Variants in MAP1S observed in about 807,000 individuals in gnomAD.
The protein encoded by MAP1S is microtubule associated protein 1S, also known as microtubule-associated protein 1S.
A neutral mutation model predicts 60.9 loss-of-function variants in MAP1S; 27 were observed. That is an observed-to-expected ratio of 0.44 (90% CI 0.33 to 0.61). The LOEUF (loss-of-function observed/expected upper bound fraction) is 0.61. Among genes scored for constraint, MAP1S ranks in the 20% least tolerant of loss-of-function variants. The pLI is 0.03. For missense variants in MAP1S, 1,608 were observed against 1,486.6 expected, an observed-to-expected ratio of 1.08 and a Z score of -1.34; for synonymous variants, 826 against 694.2, an observed-to-expected ratio of 1.19 and a Z score of -2.98.
chr19:17,725,167 TC>T lies in MAP1S; in HGVS notation c.424del (p.Gln142ArgfsTer3), dbSNP rs1349352973. The T allele has an allele frequency of 6.2e-7, 1 of 1,613,552 alleles. No individual in the cohort carries two copies. Among genetic ancestry groups the T allele is most frequent in the African/African-American group, 1.3e-5 (1 of 74,902 alleles). On this transcript the variant is annotated frameshift_variant, in exon 4 of 7. Transcript: ENST00000324096. LOFTEE classifies it high-confidence loss of function. This position sits in a 1 kb window ranked among gnomAD's most constrained non-coding sequence, Gnocchi z 4.2. ...QTGGFSPHHFLQVLKDREIRD... is the reference protein window; with the variant it reads ...QTGGFSPHHFXQVLKDREIRD... ...GGGGGCTTCTCGCCTCACCACTTCC[TC>T]CAGGTCCTGAAGGACAGAGAGGTAA... is the stretch of plus-strand genomic sequence containing the variant.
Position 17,726,745 on chromosome 19 carries a change from T to C in MAP1S, c.1361T>C (p.Leu454Pro). ...GTCCGCCTGCAGCACTTGAGGTTCC[T>C]GCGAGAGCCCGTGGTGACGCCCCAG... ...GLVRLQHLRF[L>P]REPVVTPQDL... is the part of the protein sequence containing the mutation. The change falls in exon 5 of 7, where the codon CTG becomes CCG. Residue 454 changes from leucine to proline, a missense_variant. By Grantham distance (98) the Leu-to-Pro change is moderately conservative. This residue lies in a region of MAP1S where 1,167 missense variants were observed against 961.4 expected (regional missense o/e 1.21). Transcript: ENST00000324096. 1 of 1,578,956 alleles carries C rather than the reference T, an allele frequency of 6.3e-7. No homozygotes were observed. The highest frequency in any genetic ancestry group is 8.6e-7 in the Non-Finnish European group (1 of 1,166,064).
chr19:17,724,125 G>C lies in MAP1S; in HGVS notation c.221-1G>C. 6.2e-7 allele frequency: 1 copy of C among 1,613,560 alleles called. No homozygotes were observed. The highest frequency in any genetic ancestry group is 8.5e-7 in the Non-Finnish European group (1 of 1,179,768). ...TCCGGGACGGCCTGATTCCCCCACA[G>C]GCCAGCGGAGCCTGCACCACCGTGG... On this transcript the variant is annotated splice_acceptor_variant, in intron 2 of 6. Coordinates refer to ENST00000324096, the MANE Select transcript of MAP1S (RefSeq NM_018174.6). LOFTEE classifies it high-confidence loss of function.
In MAP1S at chr19:17,734,293, C is replaced by G. The variant is rs138941668; in HGVS notation, c.3045C>G (p.Phe1015Leu). Residue 1015 changes from phenylalanine (F) to leucine (L), a missense_variant, in exon 7 of 7, where the codon TTC becomes TTG. Transcript: ENST00000324096. ...TGCAGGTGACCCTGATCCCCACTTTCGACTCGGTGGCCATGCATACGTGGT... is the reference window on the plus strand; with the variant it reads ...TGCAGGTGACCCTGATCCCCACTTTGGACTCGGTGGCCATGCATACGTGGT... ...RDLQVTLIPT[F>L]DSVAMHTWYA... is the part of the protein sequence containing the mutation. 1 of 1,613,462 alleles carries G rather than the reference C, an allele frequency of 6.2e-7. No individual in the cohort carries two copies. Among genetic ancestry groups the G allele is most frequent in the Non-Finnish European group, 8.5e-7 (1 of 1,179,556 alleles).
Position 17,727,708 on chromosome 19 carries a change from G to T in MAP1S, c.2324G>T (p.Gly775Val). The T allele has an allele frequency of 4.4e-6, 7 of 1,608,296 alleles. No homozygotes were observed. The South Asian group carries it at 5.5e-5, about 13-fold the overall frequency. The change falls in exon 5 of 7, where the codon GGT becomes GTT. Residue 775 changes from glycine (G) to valine (V), a missense_variant. This residue lies in a region of MAP1S where 1,167 missense variants were observed against 961.4 expected (regional missense o/e 1.21). Transcript: ENST00000324096. The surrounding 1 kb of genome is among the most constrained non-coding windows in gnomAD (Gnocchi z 4.1). ...AGTGCCCGGTCACAGGAACGGGCAG[G>T]TGGGCTGGGGGCCGAGGAGACGCCA... is the stretch of plus-strand genomic sequence containing the variant. The part of the protein sequence containing the change: ...DSSARSQERA[G>V]GLGAEETPPT...
rs181494116 is a variant in MAP1S at position 17,726,080 on chromosome 19, C to T, written c.696C>T (p.Ser232=). The change falls in exon 5 of 7, where the codon TCC becomes TCT. Residue 232 remains serine, a synonymous_variant. Coordinates refer to ENST00000324096, the MANE Select transcript of MAP1S (RefSeq NM_018174.6). The stretch of plus-strand genomic sequence containing the variant: ...TCGAGCTGCTGGAGCCCCCGACCTC[C>T]GGGGGCTTCCTCAGGCTGGGCCGGC... ...SPFELLEPPT[S]GGFLRLGRPC... The T allele has an allele frequency of 1.1e-5, 17 of 1,613,790 alleles. No individual in the cohort carries two copies. The highest frequency in any genetic ancestry group is 6.7e-5 in the African/African-American group (5 of 75,056).
intron 5 of MAP1S, among the ~76,000 whole-genome samples, chr19:17,731,361 G>A (rs542945434): frequency 1.3e-5 from 2 of 152,304 alleles, no homozygotes; most frequent in African/African-American, 4.8e-5. Flanking sequence ...TTGTTGAAAA[G>A]ACTATCCTTT....
At chr19:17,721,115 G>C in intron 2 of MAP1S, 78 bp downstream of exon 2, 1 of 1,100,390 alleles carries the variant, frequency 9.1e-7, no homozygotes, top group South Asian at 1.2e-5. Context: ...GGCATGGGGG[G>C]TGGGATGCAG....
chr19:17,725,331 C>T lies in MAP1S; in HGVS notation c.444+142C>T, dbSNP rs545065453. 1 of 1,022,822 alleles carries T rather than the reference C, an allele frequency of 9.8e-7. No homozygotes were observed. Among genetic ancestry groups the T allele is most frequent in the African/African-American group, 1.6e-5 (1 of 61,648 alleles). The allele number at this position is 1,022,822 out of a possible 1,614,324, so 63.4% of individuals were successfully genotyped here. The stretch of plus-strand genomic sequence containing the variant: ...GTAGGATGGCAGTGGTGACACATGC[C>T]TCCTGGCTGTCTGGGGTCAGTCCCA... On this transcript the variant is annotated intron_variant, in intron 4 of 6. Transcript: ENST00000324096. This position sits in a 1 kb window ranked among gnomAD's most constrained non-coding sequence, Gnocchi z 4.2.
chr19:17,723,530 A>G (rs2080389370), intron 2 of MAP1S, among the ~76,000 whole-genome samples: 1 of 146,526 alleles, frequency 6.8e-6, no homozygotes, highest in African/African-American at 2.6e-5. Context: ...CCTGGGCAAC[A>G]AGAGCAAAAC....
In MAP1S at chr19:17,719,502, G is replaced by A. The variant is rs992497777; in HGVS notation, c.-1G>A. On this transcript the variant is annotated 5_prime_UTR_variant, in exon 1 of 7. Coordinates refer to ENST00000324096, the MANE Select transcript of MAP1S (RefSeq NM_018174.6). ...GCCGAGAACGCCGGGGCGGCCCGAAGATGGCGGCGGTGGCTGGATCTGGGG... is the reference window on the plus strand; with the variant it reads ...GCCGAGAACGCCGGGGCGGCCCGAAAATGGCGGCGGTGGCTGGATCTGGGG... 2.0e-5 allele frequency: 25 copies of A among 1,244,520 alleles called. No homozygotes were observed. The highest frequency in any genetic ancestry group is 2.4e-5 in the Non-Finnish European group (24 of 987,062). 77.1% of individuals were successfully genotyped at this position (1,244,520 alleles called of 1,614,324 possible).
Position 17,728,321 on chromosome 19 carries a change from C to T in MAP1S, c.2788+149C>T, listed in dbSNP as rs746866525. The T allele has an allele frequency of 8.8e-6, 8 of 907,566 alleles. No individual in the cohort carries two copies. In the East Asian group the frequency reaches 1.1e-4, roughly 12 times the overall value. The allele number at this position is 907,566 out of a possible 1,614,324, so 56.2% of individuals were successfully genotyped here. On this transcript the variant is annotated intron_variant, in intron 5 of 6. Transcript: ENST00000324096. ...CTGGAGTGCAGTGGTGTGGTCACAG[C>T]TCATTGCAGCCTTGAACAATGGGGC...
intron 5 of MAP1S, among the ~76,000 whole-genome samples, chr19:17,732,141 C>T (rs1599467616): frequency 6.6e-6 from 1 of 152,226 alleles, no homozygotes; most frequent in Admixed American, 6.5e-5. Context: ...GATGTTAGTT[C>T]TCTAAATGTT....
rs1412520580 is a variant in MAP1S, at chr19:17,734,277, C to A, written c.3029C>A (p.Thr1010Asn). 1 of 1,612,228 alleles carries A rather than the reference C, an allele frequency of 6.2e-7. No individual in the cohort carries two copies. Among genetic ancestry groups the A allele is most frequent in the Non-Finnish European group, 8.5e-7 (1 of 1,178,868 alleles). Residue 1010 changes from threonine (T) to asparagine (N), a missense_variant, in exon 7 of 7, where the codon ACC (threonine) becomes AAC (asparagine). Transcript: ENST00000324096. ...ACACCCCCCCTCCACCTGCAGGTGA[C>A]CCTGATCCCCACTTTCGACTCGGTG... ...KQHWDRDLQV[T>N]LIPTFDSVAM...
At chr19:17,723,801 G>A (rs2080392357) in intron 2 of MAP1S, among the ~76,000 whole-genome samples, 1 of 152,176 alleles carries the variant, frequency 6.6e-6, no homozygotes, top group South Asian at 2.1e-4. Flanking sequence ...CTTGCAGTGA[G>A]CAGAGATTGC....
In MAP1S at chr19:17,725,045, T is replaced by G. The variant is rs1388244198; in HGVS notation, c.304-4T>G. ...GGTCCTTTAGTGTTCACCCCCTCCC[T>G]CAGCTCCGGAACCTTCTGTTGGACC... On this transcript the variant is annotated splice_polypyrimidine_tract_variant and splice_region_variant and intron_variant, in intron 3 of 6. Transcript: ENST00000324096. This position sits in a 1 kb window ranked among gnomAD's most constrained non-coding sequence, Gnocchi z 4.2. 1 of 1,613,998 alleles carries G rather than the reference T, an allele frequency of 6.2e-7. No individual in the cohort carries two copies. Among genetic ancestry groups the G allele is most frequent in the African/African-American group, 1.3e-5 (1 of 74,894 alleles).
At position 17,727,402 on chromosome 19, in the gene MAP1S, C is replaced by T. The variant is rs1308450595; in HGVS notation, c.2018C>T (p.Thr673Ile). ...GGGCCAGACGCCTCACCCACAGTGA[C>T]CACACCCACGGTGACCACGCCCTCA... ...EAGPDASPTV[T>I]TPTVTTPSLP... Residue 673 changes from threonine (T) to isoleucine (I), a missense_variant, in exon 5 of 7, where the codon ACC becomes ATC. Physicochemically the swap from Thr to Ile is moderately conservative, Grantham distance 89. This residue lies in a region of MAP1S where 1,167 missense variants were observed against 961.4 expected (regional missense o/e 1.21). Coordinates refer to ENST00000324096, the MANE Select transcript of MAP1S (RefSeq NM_018174.6). This position sits in a 1 kb window ranked among gnomAD's most constrained non-coding sequence, Gnocchi z 4.1. 1 of 1,597,188 alleles carries T rather than the reference C, an allele frequency of 6.3e-7. No individual in the cohort carries two copies. Among genetic ancestry groups the T allele is most frequent in the Non-Finnish European group, 8.5e-7 (1 of 1,172,750 alleles).
intron 2 of MAP1S, among the ~76,000 whole-genome samples, chr19:17,723,013 G>A (rs954301275): frequency 3.9e-5 from 6 of 152,098 alleles, no homozygotes; most frequent in African/African-American, 9.7e-5. Flanking sequence ...GGCCCTCACC[G>A]GCCCCCACCC....
Position 17,734,254 on chromosome 19 carries a change from AC to A in MAP1S, c.3025-12del, listed in dbSNP as rs756341904. The A allele has an allele frequency of 1.1e-5, 17 of 1,595,178 alleles. No individual in the cohort carries two copies. Among genetic ancestry groups the A allele is most frequent in the African/African-American group, 6.8e-5 (5 of 73,012 alleles). Reference sequence around the variant, plus strand: ...CACTGGTGGTCCACTCTCCCCACACACCCCCCCTCCACCTGCAGGTGACCCT... The same window carrying A: ...CACTGGTGGTCCACTCTCCCCACACACCCCCCTCCACCTGCAGGTGACCCT... On this transcript the variant is annotated intron_variant, in intron 6 of 6. Coordinates refer to ENST00000324096, the MANE Select transcript of MAP1S (RefSeq NM_018174.6).
At chr19:17,734,181 A>C in intron 6 of MAP1S, 92 bp from the exon 7 acceptor site, 1 of 1,098,230 alleles carries the variant, frequency 9.1e-7, no homozygotes, top group Non-Finnish European at 1.3e-6. Context: ...AATGCCAGGA[A>C]AGGAAGGCGA....
Sources: allele counts gnomAD v4.1 joint callset (sites outside exome capture counted in the v4.1 genomes callset), GRCh38; gene constraint gnomAD v4.1.1; regional missense constraint gnomAD v4.1.1; non-coding constraint Gnocchi (gnomAD v3.1); transcripts MANE v1.5; gene names NCBI Gene and HGNC (gene_info 2026-07-23, HGNC 2026-07-21).